Variants in SAA2 observed in about 807,000 individuals in gnomAD.
SAA2 encodes the protein serum amyloid A-2 protein.
A neutral mutation model predicts 9.1 loss-of-function variants in SAA2; 5 were observed. The ratio of observed to expected loss-of-function variants is 0.55; its 90% CI spans 0.29 to 1.16. The LOEUF (loss-of-function observed/expected upper bound fraction) is 1.16. Ranked by LOEUF, SAA2 falls within the 50% of genes most tolerant of loss-of-function variation. SAA2 has a pLI of 0.09. For synonymous variants in SAA2, 49 were observed against 59.8 expected, an observed-to-expected ratio of 0.82 and a Z score of 0.83; for missense variants, 94 against 153.8, an observed-to-expected ratio of 0.61 and a Z score of 2.06.
At chr11:18,242,161 T>C (rs1288122552), downstream of SAA2, 1 of 152,186 alleles carries the variant, frequency 6.6e-6, no homozygotes, top group Non-Finnish European at 1.5e-5. Flanking sequence ...TATTTATTTA[T>C]TGTAAGGAAT....
intron 3 of SAA2, chr11:18,240,145 T>C (rs1473177278): frequency 2.4e-6 from 2 of 832,948 alleles, no homozygotes; most frequent in Admixed American, 2.1e-5. Context: ...AAGTCATAAA[T>C]GATTATTAGG....
At chr11:18,240,021 T>G in intron 3 of SAA2, 1 of 1,547,188 alleles carries the variant, frequency 6.5e-7, no homozygotes, top group South Asian at 1.2e-5. Context: ...TATTTTAACA[T>G]GCAAGGGGGA....
chr11:18,245,606 A>G, intron 3 of SAA2, 91 bp from the exon 4 acceptor site: 2 of 1,533,352 alleles, frequency 1.3e-6, no homozygotes, highest in Non-Finnish European at 1.8e-6. Context: ...GGGAGGGCTC[A>G]GAGAGGAGCC....
downstream of SAA2, chr11:18,242,506 C>G: frequency 4.5e-6 from 2 of 444,100 alleles, no homozygotes; most frequent in Admixed American, 3.9e-5. Flanking sequence ...ACAGACGACC[C>G]CAGAAACAAT....
At chr11:18,248,187 T>C (rs913316220) in intron 1 of SAA2, among the ~76,000 whole-genome samples, 172 bp from the exon 2 acceptor site, 1 of 128,960 alleles carries the variant, frequency 7.8e-6, no homozygotes, top group Admixed American at 7.8e-5. Context: ...CCCTCGGTTC[T>C]GAACCCATCA....
chr11:18,245,227 C>T (rs969610289), downstream of SAA2: 2 of 1,457,426 alleles, frequency 1.4e-6, no homozygotes, highest in African/African-American at 1.4e-5. Flanking sequence ...GAAGAACACA[C>T]TGTTTCAACA....
chr11:18,245,718 G>T (rs1341608758), intron 3 of SAA2, among the ~76,000 whole-genome samples, 192 bp downstream of exon 3: 1 of 152,220 alleles, frequency 6.6e-6, no homozygotes, highest in Non-Finnish European at 1.5e-5. Context: ...AGCACCCAGA[G>T]GGGGAGGGGG....
chr11:18,241,912 G>A (rs1447819681), downstream of SAA2, among the ~76,000 whole-genome samples: 3 of 152,048 alleles, frequency 2.0e-5, no homozygotes, highest in African/African-American at 4.8e-5. Context: ...ATAAATAAAT[G>A]AATGAATATT....
chr11:18,242,853 C>A, downstream of SAA2: 2 of 700,154 alleles, frequency 2.9e-6, no homozygotes, highest in East Asian at 5.4e-5. Context: ...TCTCAAATAA[C>A]GAAACAAAAC....
intron 3 of SAA2, 141 bp downstream of exon 3, chr11:18,245,769 T>C: frequency 1.4e-6 from 2 of 1,457,004 alleles, no homozygotes; most frequent in Non-Finnish European, 1.8e-6. Context: ...ACCCTCACAC[T>C]GAGCACAGAG....
At position 18,245,511 on chromosome 11, in the gene SAA2, C is replaced by G. The variant is rs775066474; in HGVS notation, c.235G>C (p.Ala79Pro). Reference protein sequence around the residue: ...GAWAAEVISNARENIQRLTGR... With the variant: ...GAWAAEVISNPRENIQRLTGR... Reference sequence around the variant, plus strand: ...GTGAGTCTCTGGATATTCTCTCTGGCATTGCTGTAGTCCAGGCAGGCAAGA... The same window carrying G: ...GTGAGTCTCTGGATATTCTCTCTGGGATTGCTGTAGTCCAGGCAGGCAAGA... The change falls in exon 4 of 4, where the codon GCC (alanine) becomes CCC (proline). Residue 79 changes from alanine to proline, a missense_variant. By Grantham distance (27) the Ala-to-Pro change is conservative. Around this residue, in one of 2 missense-constraint regions of SAA2, gnomAD observed 62 missense variants for 58.3 expected, o/e 1.06. Transcript: ENST00000256733. 1.3e-5 allele frequency: 21 copies of G among 1,613,918 alleles called. No individual in the cohort carries two copies. Among genetic ancestry groups the G allele is most frequent in the Non-Finnish European group, 1.6e-5 (19 of 1,179,920 alleles).
chr11:18,244,739 T>C (rs16935244), downstream of SAA2, among the ~76,000 whole-genome samples: 4,698 of 152,234 alleles, frequency 0.031, 252 homozygotes, highest in African/African-American at 0.11. Context: ...CATTACATAT[T>C]TAGACTTGAA....
intron 3 of SAA2, 44 bp from the exon 4 acceptor site, chr11:18,245,559 T>G (rs757248054): frequency 1.2e-6 from 2 of 1,608,276 alleles, no homozygotes; most frequent in African/African-American, 2.7e-5. Context: ...ATCAGGCCAG[T>G]GAGCAACAGC....
downstream of SAA2, among the ~76,000 whole-genome samples, chr11:18,244,613 G>A (rs1372552533): frequency 6.6e-6 from 1 of 152,066 alleles, no homozygotes; most frequent in Non-Finnish European, 1.5e-5. Flanking sequence ...CTCCCAAAGG[G>A]ACCCTGACTG....
downstream of SAA2, among the ~76,000 whole-genome samples, chr11:18,243,630 T>C (rs2134138170): frequency 6.6e-6 from 1 of 152,326 alleles, no homozygotes; most frequent in East Asian, 1.9e-4. Flanking sequence ...CTCCTATACC[T>C]ACACTTCTAT....
At chr11:18,241,095 A>G (rs537176201), downstream of SAA2, among the ~76,000 whole-genome samples, 59 of 152,356 alleles carry the variant, frequency 3.9e-4, no homozygotes, top group South Asian at 2.5e-3. Flanking sequence ...ACAAATGGCC[A>G]ACAAAATATG....
At chr11:18,244,294 G>A (rs1014706348), downstream of SAA2, among the ~76,000 whole-genome samples, 1 of 152,182 alleles carries the variant, frequency 6.6e-6, no homozygotes, top group Non-Finnish European at 1.5e-5. Context: ...CAGGGGTTTT[G>A]ATAACCTATC....
chr11:18,242,452 T>C, downstream of SAA2: 1 of 273,778 alleles, frequency 3.7e-6, no homozygotes, highest in Non-Finnish European at 6.8e-6. Flanking sequence ...CAATCTACTT[T>C]ATTAAGTCCA....
At chr11:18,239,946 C>G in exon 4 of SAA2, 1 of 1,550,772 alleles carries the variant, frequency 6.4e-7, no homozygotes, top group Non-Finnish European at 8.7e-7. Flanking sequence ...TTCCTTCACT[C>G]TCTACAGTTC....
Sources: gnomAD v4.1 joint callset for allele counts (sites outside exome capture counted in the v4.1 genomes callset) on GRCh38, gnomAD v4.1.1 for gene constraint, gnomAD v4.1.1 regional missense constraint, MANE v1.5 for transcripts, NCBI Gene and HGNC (gene_info 2026-07-23, HGNC 2026-07-21) for gene names.